PTK2: variants seen among roughly 807,000 people sequenced by gnomAD.
The protein encoded by PTK2 is protein tyrosine kinase 2.
PTK2 carries 45 observed loss-of-function variants against 150.1 expected under a neutral mutation model. That is an observed-to-expected ratio of 0.30 (90% CI 0.24 to 0.38). PTK2 has a LOEUF of 0.38. Among genes scored for constraint, PTK2 ranks in the 10% least tolerant of loss-of-function variants. The pLI is 1.00. For synonymous variants in PTK2, 432 were observed against 449.2 expected (o/e 0.96, Z 0.48); for missense variants, 919 against 1,307.3 (o/e 0.70, Z 4.58).
intron 5 of PTK2, among the ~76,000 whole-genome samples, chr8:140,860,338 T>C (rs1217466714): frequency 6.6e-6 from 1 of 152,296 alleles, no homozygotes; most frequent in South Asian, 2.1e-4. Context: ...GGTCCAATCA[T>C]AGGGAACTGC....
At chr8:140,977,293 T>C (rs2100189614) in intron 1 of PTK2, among the ~76,000 whole-genome samples, 1 of 152,126 alleles carries the variant, frequency 6.6e-6, no homozygotes, top group Non-Finnish European at 1.5e-5. Flanking sequence ...CTCAGAAGGC[T>C]GAAGCAGGAG....
chr8:140,728,065 G>A (rs2100046984), intron 22 of PTK2, among the ~76,000 whole-genome samples: 2 of 152,092 alleles, frequency 1.3e-5, no homozygotes, highest in South Asian at 4.2e-4. Flanking sequence ...CCAGCACAGT[G>A]GTGCGCGCCT....
chr8:140,760,829 A>C (rs1490711479), intron 16 of PTK2, among the ~76,000 whole-genome samples: 1 of 152,228 alleles, frequency 6.6e-6, no homozygotes, highest in Non-Finnish European at 1.5e-5. Flanking sequence ...TTTCTTTCTC[A>C]AAAATGCAGG....
rs550895063 is a variant in PTK2, at chr8:140,701,757, G to A, written c.2368-735C>T. Among the ~76,000 whole-genome samples the A allele has an allele frequency of 7.7e-4, 117 of 152,074 alleles. 1 individual carries two copies. Among genetic ancestry groups the A allele is most frequent in the African/African-American group, 2.6e-3 (106 of 41,480 alleles). ...CTAAAGATTTTAGTATTTCTCCCTG[G>A]GTTCTTTTAGTTAAAAAAAGTTCAT... On this transcript the variant is annotated intron_variant, in intron 25 of 31. Transcript: ENST00000522684.
At position 140,879,515 on chromosome 8, in the gene PTK2, A is replaced by G. The variant is rs768306977; in HGVS notation, c.318T>C (p.Ser106=). 5.6e-6 allele frequency: 9 copies of G among 1,613,672 alleles called. No homozygotes were observed. In the East Asian group the frequency reaches 2.0e-4, roughly 36 times the overall value. The change falls in exon 4 of 32, where the codon AGT becomes AGC. Residue 106 remains serine, a synonymous_variant. Coordinates refer to ENST00000522684, the Ensembl canonical transcript of PTK2. ...GAGCAAGCTCATACTTCTCCCTCAC[A>G]CTGGAGACGCCCATATCCACGTGAA...
chr8:140,844,997 A>G (rs1004584233), intron 7 of PTK2, among the ~76,000 whole-genome samples: 3 of 152,004 alleles, frequency 2.0e-5, no homozygotes, highest in Non-Finnish European at 4.4e-5. Flanking sequence ...CCTGTCCCTA[A>G]TTCAAATGTA....
intron 10 of PTK2, among the ~76,000 whole-genome samples, chr8:140,806,007 G>C (rs2100097974): frequency 6.6e-6 from 1 of 152,082 alleles, no homozygotes; most frequent in African/African-American, 2.4e-5. Context: ...AGTTTCGTTG[G>C]GGTAGAACCA....
intron 7 of PTK2, chr8:140,832,955 G>A (rs1479430720): frequency 1.9e-6 from 1 of 518,886 alleles, no homozygotes; most frequent in Non-Finnish European, 3.8e-6. Context: ...CCACTGTGTG[G>A]CTGTCAACTG....
At chr8:140,881,648 T>C (rs1365669894) in intron 3 of PTK2, among the ~76,000 whole-genome samples, 1 of 152,196 alleles carries the variant, frequency 6.6e-6, no homozygotes, top group African/African-American at 2.4e-5. Flanking sequence ...ATGTTGAATA[T>C]AAGGCAGTAA....
intron 24 of PTK2, among the ~76,000 whole-genome samples, chr8:140,705,706 T>G (rs564210405): frequency 6.6e-6 from 1 of 152,268 alleles, no homozygotes; most frequent in Non-Finnish European, 1.5e-5. Context: ...AGGATATCTA[T>G]CTATAAATCT....
At chr8:140,707,474 C>T (rs757778301) in intron 23 of PTK2, among the ~76,000 whole-genome samples, 5 of 152,192 alleles carry the variant, frequency 3.3e-5, no homozygotes, top group Non-Finnish European at 5.9e-5. Context: ...GGTATAATCC[C>T]GGCTCACTGC....
chr8:140,898,199 T>C (rs1005022001), intron 2 of PTK2, among the ~76,000 whole-genome samples: 1 of 152,190 alleles, frequency 6.6e-6, no homozygotes, highest in East Asian at 1.9e-4. Context: ...AAAATTTCCA[T>C]CATTAGAATC....
chr8:140,997,528 G>C (rs925157690), intron 1 of PTK2, among the ~76,000 whole-genome samples: 3 of 152,198 alleles, frequency 2.0e-5, no homozygotes, highest in Non-Finnish European at 2.9e-5. Context: ...TGACATCTCA[G>C]CCTTCAGCAA....
chr8:140,976,118 G>A (rs1214635003), intron 1 of PTK2, among the ~76,000 whole-genome samples: 2 of 152,182 alleles, frequency 1.3e-5, no homozygotes, highest in African/African-American at 4.8e-5. Context: ...AAGGACTTGA[G>A]AAGCACAGAA....
Position 140,770,704 on chromosome 8 carries a change from T to C in PTK2, c.1178-6414A>G, listed in dbSNP as rs1233620536. ...GTTAATAGGAGAGCCTGTGCAAATATGAGTGCAGTACCCGTAGAAGGAGGA... is the reference window on the plus strand; with the variant it reads ...GTTAATAGGAGAGCCTGTGCAAATACGAGTGCAGTACCCGTAGAAGGAGGA... On this transcript the variant is annotated intron_variant, in intron 14 of 31. Transcript: ENST00000522684. 3.9e-6 allele frequency: 5 copies of C among 1,288,954 alleles called. No homozygotes were observed. Among genetic ancestry groups the C allele is most frequent in the Middle Eastern group, 2.1e-4 (1 of 4,730 alleles). The allele number at this position is 1,288,954 out of a possible 1,614,324, so 79.8% of individuals were successfully genotyped here. A position where few individuals can be genotyped will look rare whatever the true frequency, so the allele number is the denominator to read the frequency against.
At chr8:140,755,468 G>C (rs1288104813) in intron 16 of PTK2, among the ~76,000 whole-genome samples, 3 of 152,050 alleles carry the variant, frequency 2.0e-5, no homozygotes, top group Non-Finnish European at 2.9e-5. Flanking sequence ...GTCCTGCCCC[G>C]CCTCATGGCC....
At chr8:140,750,187 G>A (rs1593693980) in intron 17 of PTK2, 1 of 152,166 alleles carries the variant, frequency 6.6e-6, no homozygotes, top group African/African-American at 2.4e-5. Flanking sequence ...AATTAATGTA[G>A]TCACCACATG....
Position 140,669,629 on chromosome 8 carries a change from C to T in PTK2, c.2710-1205G>A, listed in dbSNP as rs569268687. On this transcript the variant is annotated intron_variant, in intron 29 of 31. Transcript: ENST00000522684. ...GTGACAAAGCAGGCCGAAGTGCCCT[C>T]CCACTTGGGCTTCCTGCTTTCCAGT... 5.2e-5 allele frequency: 72 copies of T among 1,388,096 alleles called. No individual in the cohort carries two copies. In the Admixed American group the frequency reaches 9.4e-4, roughly 18 times the overall value. The allele number at this position is 1,388,096 out of a possible 1,614,324, so 86.0% of individuals were successfully genotyped here.
chr8:140,680,041 C>T (rs2100016143), intron 27 of PTK2, among the ~76,000 whole-genome samples: 1 of 152,172 alleles, frequency 6.6e-6, no homozygotes, highest in African/African-American at 2.4e-5. Context: ...TTCTCTGAGT[C>T]CTGGTCTACT....
Sources: allele counts gnomAD v4.1 joint callset (sites outside exome capture counted in the v4.1 genomes callset), GRCh38; gene constraint gnomAD v4.1.1; transcripts MANE v1.5; gene names NCBI Gene and HGNC (gene_info 2026-07-23, HGNC 2026-07-21).